Variants in FAM193A observed in about 807,000 individuals in gnomAD.
FAM193A encodes the protein protein FAM193A.
FAM193A carries 22 observed loss-of-function variants against 126.5 expected under a neutral mutation model. The ratio of observed to expected loss-of-function variants is 0.17; its 90% CI spans 0.12 to 0.25. The LOEUF is 0.25. FAM193A is among the 10% of genes least tolerant of loss of function. The pLI is 1.00. For missense variants in FAM193A, 1,675 were observed against 1,672.8 expected (o/e 1.00, Z -0.02); for synonymous variants, 761 against 646.8 (o/e 1.18, Z -2.68).
chr4:2,561,675 T>G (rs1015538910), intron 1 of FAM193A, among the ~76,000 whole-genome samples: 1 of 151,580 alleles, frequency 6.6e-6, no homozygotes, highest in Non-Finnish European at 1.5e-5. Flanking sequence ...TTTTGTATGT[T>G]TAGTACAGAC....
intron 7 of FAM193A, among the ~76,000 whole-genome samples, chr4:2,652,379 T>C (rs1332182314): frequency 6.6e-6 from 1 of 152,228 alleles, no homozygotes; most frequent in African/African-American, 2.4e-5. Flanking sequence ...CCTGGTGTAT[T>C]AGTCCATTCT....
chr4:2,541,469 C>CT (rs1737228337), intron 1 of FAM193A, among the ~76,000 whole-genome samples: 3 of 131,420 alleles, frequency 2.3e-5, no homozygotes, highest in African/African-American at 8.9e-5. Context: ...TTTTTTGAGA[C>CT]AGAGTCTCGC....
chr4:2,728,238 ATTTTTTTTTT>A (rs58609064), intron 20 of FAM193A, among the ~76,000 whole-genome samples: 1 of 82,060 alleles, frequency 1.2e-5, no homozygotes, highest in Non-Finnish European at 2.2e-5. Flanking sequence ...ACCCGGCCCA[ATTTTTTTTTT>A]TTTTTTTTTT....
intron 20 of FAM193A, among the ~76,000 whole-genome samples, chr4:2,720,924 A>G (rs1202611443): frequency 6.6e-6 from 1 of 152,208 alleles, no homozygotes; most frequent in East Asian, 1.9e-4. Context: ...CTGTAATCCC[A>G]GTGCTAGGAG....
chr4:2,594,715 A>G (rs1740752219), intron 1 of FAM193A, among the ~76,000 whole-genome samples: 1 of 151,950 alleles, frequency 6.6e-6, no homozygotes. Context: ...GATACGGGTT[A>G]AAAATCCTGT....
intron 1 of FAM193A, among the ~76,000 whole-genome samples, chr4:2,574,726 A>C (rs571037219): frequency 6.6e-6 from 1 of 152,324 alleles, no homozygotes; most frequent in Admixed American, 6.5e-5. Flanking sequence ...GAGGGTAAAT[A>C]AATACTTACA....
At position 2,664,081 on chromosome 4, in the gene FAM193A, G is replaced by A. The variant is rs1032709648; in HGVS notation, c.2079+793G>A. On this transcript the variant is annotated intron_variant, in intron 12 of 20. Transcript: ENST00000637812. ...GTAATATAAATGTAACACTCAGATG[G>A]TAAAGGTGATGTTGAAAGGTCTATC... Among the ~76,000 whole-genome samples, 5 of 152,190 alleles carry A rather than the reference G, an allele frequency of 3.3e-5. No individual in the cohort carries two copies. The South Asian group carries it at 6.2e-4, about 19-fold the overall frequency.
chr4:2,566,270 ATCT>A (rs1448088265), intron 1 of FAM193A, among the ~76,000 whole-genome samples: 1 of 152,108 alleles, frequency 6.6e-6, no homozygotes, highest in Non-Finnish European at 1.5e-5. Context: ...CATGGTCTCG[ATCT>A]TCTGACCTCG....
At chr4:2,682,253 G>C (rs909204708) in intron 13 of FAM193A, among the ~76,000 whole-genome samples, 2 of 151,962 alleles carry the variant, frequency 1.3e-5, no homozygotes, top group African/African-American at 4.8e-5. Context: ...CAAAGTGCTG[G>C]GATTACAGGC....
chr4:2,705,261 T>C (rs1350349022), intron 19 of FAM193A, among the ~76,000 whole-genome samples: 2 of 152,232 alleles, frequency 1.3e-5, no homozygotes, highest in African/African-American at 2.4e-5. Flanking sequence ...TGCAGTATGC[T>C]GCAGACATTC....
At chr4:2,569,126 C>A (rs940314932) in intron 1 of FAM193A, among the ~76,000 whole-genome samples, 1 of 151,826 alleles carries the variant, frequency 6.6e-6, no homozygotes, top group African/African-American at 2.4e-5. Context: ...TGCATCACCG[C>A]ACCTGGGTAA....
chr4:2,626,024 C>G (rs1577092621), intron 3 of FAM193A, among the ~76,000 whole-genome samples: 2 of 152,226 alleles, frequency 1.3e-5, no homozygotes, highest in East Asian at 3.9e-4. Context: ...ATGCCCAGCC[C>G]AGGAGCACAT....
chr4:2,567,269 A>C (rs1739026307), intron 1 of FAM193A, among the ~76,000 whole-genome samples: 1 of 152,138 alleles, frequency 6.6e-6, no homozygotes, highest in African/African-American at 2.4e-5. Flanking sequence ...GCCCGGCCTG[A>C]CTAGCTGAAT....
Position 2,639,846 on chromosome 4 carries a change from G to A in FAM193A, c.1150G>A (p.Val384Met), listed in dbSNP as rs1361737042. The stretch of plus-strand genomic sequence containing the variant: ...TCTTCAGAGCAACTTGCCCGCACTG[G>A]TGTCACAGATCAGGTATTTTGCCTT... ...PLLQSNLPAL[V>M]SQIRLGTTTH... Residue 384 changes from valine (V) to methionine (M), a missense_variant, in exon 6 of 21, where the codon GTG becomes ATG. Coordinates refer to ENST00000637812, the MANE Select transcript of FAM193A (RefSeq NM_001366318.2). 1 of 1,613,892 alleles carries A rather than the reference G, an allele frequency of 6.2e-7. No homozygotes were observed. The highest frequency in any genetic ancestry group is 2.2e-5 in the East Asian group (1 of 44,866).
chr4:2,682,642 CTCT>C (rs1278686393), intron 13 of FAM193A, among the ~76,000 whole-genome samples: 2 of 152,120 alleles, frequency 1.3e-5, no homozygotes, highest in Non-Finnish European at 1.5e-5. Flanking sequence ...GTTTTATCTC[CTCT>C]GTTAGTATAT....
At chr4:2,593,205 T>G (rs1740667903) in intron 1 of FAM193A, among the ~76,000 whole-genome samples, 1 of 152,154 alleles carries the variant, frequency 6.6e-6, no homozygotes, top group South Asian at 2.1e-4. Flanking sequence ...CTTATCCACT[T>G]CCCTTCCTGC....
intron 20 of FAM193A, among the ~76,000 whole-genome samples, chr4:2,726,778 C>CA (rs71589604): frequency 0.08 from 3,563 of 44,526 alleles, 24 homozygotes; most frequent in Middle Eastern, 0.1. Context: ...CTAAAAATAC[C>CA]AAAAAAAAAA....
intron 1 of FAM193A, among the ~76,000 whole-genome samples, chr4:2,591,762 C>T (rs1013406825): frequency 1.3e-5 from 2 of 152,086 alleles, no homozygotes; most frequent in African/African-American, 4.8e-5. Context: ...AAAACAAATG[C>T]TATTATGATT....
At chr4:2,620,725 C>T (rs528428899) in intron 2 of FAM193A, among the ~76,000 whole-genome samples, 7 of 147,430 alleles carry the variant, frequency 4.7e-5, no homozygotes, top group African/African-American at 7.5e-5. Context: ...GGTGGGCTCC[C>T]GTAATCCCAG....
Sources: gnomAD v4.1 joint callset for allele counts (sites outside exome capture counted in the v4.1 genomes callset) on GRCh38, gnomAD v4.1.1 for gene constraint, MANE v1.5 for transcripts, NCBI Gene and HGNC (gene_info 2026-07-23, HGNC 2026-07-21) for gene names.